The following ERCC6L2 variants were observed in gnomAD, a reference collection of about 807,000 sequenced individuals.
The protein encoded by ERCC6L2 is ERCC excision repair 6 like 2.
A neutral mutation model predicts 132.0 loss-of-function variants in ERCC6L2; 77 were observed. The ratio of observed to expected loss-of-function variants is 0.58; its 90% CI spans 0.49 to 0.71. The LOEUF is 0.71. ERCC6L2 is among the 30% of genes least tolerant of loss of function. The pLI, the probability that ERCC6L2 is intolerant of heterozygous loss-of-function variation, is 0.00. For synonymous variants in ERCC6L2, 583 were observed against 632.4 expected, an observed-to-expected ratio of 0.92 and a Z score of 1.17; for missense variants, 1,542 against 1,837.6, an observed-to-expected ratio of 0.84 and a Z score of 2.94.
chr9:95,896,528 C>T (rs982095625), intron 2 of ERCC6L2, among the ~76,000 whole-genome samples: 4 of 151,458 alleles, frequency 2.6e-5, no homozygotes, highest in Non-Finnish European at 5.9e-5. Context: ...CTCAAGCAGT[C>T]CTCCTACTTC....
intron 11 of ERCC6L2, among the ~76,000 whole-genome samples, chr9:95,939,889 T>TA (rs1830719512): frequency 6.6e-6 from 1 of 152,170 alleles, no homozygotes; most frequent in Non-Finnish European, 1.5e-5. Context: ...AGTATTGTGT[T>TA]ATGAGACTCT....
At chr9:95,895,961 C>T (rs905349002) in intron 2 of ERCC6L2, among the ~76,000 whole-genome samples, 5 of 152,088 alleles carry the variant, frequency 3.3e-5, no homozygotes, top group East Asian at 1.9e-4. Context: ...CTCCTGACCT[C>T]GTGATCCACC....
intron 11 of ERCC6L2, among the ~76,000 whole-genome samples, chr9:95,940,689 A>G (rs1337171222): frequency 1.3e-5 from 2 of 151,508 alleles, no homozygotes; most frequent in Non-Finnish European, 2.9e-5. Flanking sequence ...GATTTGGTCT[A>G]TCTTGGTGAA....
intron 19 of ERCC6L2, among the ~76,000 whole-genome samples, chr9:96,029,100 C>G (rs549040569): frequency 1.4e-4 from 22 of 151,748 alleles, no homozygotes; most frequent in African/African-American, 2.4e-4. Flanking sequence ...GTCAGGAGAT[C>G]GAGACCATCC....
Position 95,963,874 on chromosome 9 carries a change from G to A in ERCC6L2, c.1948-2688G>A, listed in dbSNP as rs572671905. On this transcript the variant is annotated intron_variant, in intron 13 of 18. Transcript: ENST00000653738. ...ACAGACATGATACTGTGCTCTTCTC[G>A]TTGCATCAGTCAGAAGGCACATGGG... Among the ~76,000 whole-genome samples the A allele has an allele frequency of 4.2e-4, 64 of 152,232 alleles. No individual in the cohort carries two copies. In the South Asian group the frequency reaches 0.012, roughly 28 times the overall value.
rs79026426 is a variant in ERCC6L2 at position 95,920,214 on chromosome 9, C to G, written c.1159-961C>G. The stretch of plus-strand genomic sequence containing the variant: ...CTGCCTCTCCTGCCTCCCTTGACTT[C>G]CTTTTCACTTCCTTCACCTCTTCAT... On this transcript the variant is annotated intron_variant, in intron 6 of 18. Transcript: ENST00000653738. Among the ~76,000 whole-genome samples the G allele has an allele frequency of 3.4e-3, 522 of 152,254 alleles. 2 individuals are homozygous for G. The highest frequency in any genetic ancestry group is 0.012 in the African/African-American group (499 of 41,540).
At chr9:96,002,089 C>T (rs371709021) in intron 17 of ERCC6L2, among the ~76,000 whole-genome samples, 19 of 152,364 alleles carry the variant, frequency 1.2e-4, no homozygotes, top group South Asian at 8.3e-4. Flanking sequence ...CCGGTTCCCG[C>T]GCGTGCCTCT....
At chr9:96,008,601 G>A (rs1182846629) in intron 18 of ERCC6L2, among the ~76,000 whole-genome samples, 2 of 152,190 alleles carry the variant, frequency 1.3e-5, no homozygotes, top group Non-Finnish European at 2.9e-5. Context: ...GGAGCAGTGA[G>A]GCATGATTGA....
At chr9:95,893,843 T>C (rs910502632) in intron 2 of ERCC6L2, among the ~76,000 whole-genome samples, 1 of 152,332 alleles carries the variant, frequency 6.6e-6, no homozygotes, top group Admixed American at 6.5e-5. Flanking sequence ...TTGTTGATCA[T>C]TTTCATTGTA....
At chr9:95,884,430 A>G (rs1002209340) in intron 2 of ERCC6L2, among the ~76,000 whole-genome samples, 1 of 152,092 alleles carries the variant, frequency 6.6e-6, no homozygotes, top group Non-Finnish European at 1.5e-5. Flanking sequence ...AAATTAATTG[A>G]TAATGAAAAT....
downstream of ERCC6L2, among the ~76,000 whole-genome samples, chr9:96,021,931 G>GGA (rs1834298770): frequency 6.6e-6 from 1 of 152,070 alleles, no homozygotes; most frequent in Non-Finnish European, 1.5e-5. This position sits in a 1 kb window ranked among gnomAD's most constrained non-coding sequence, Gnocchi z 4.7. Context: ...TGGAATCAGG[G>GGA]CCCCGGCGCC....
intron 19 of ERCC6L2, among the ~76,000 whole-genome samples, chr9:96,023,753 G>C (rs1834326183): frequency 6.6e-6 from 1 of 152,130 alleles, no homozygotes; most frequent in Admixed American, 6.5e-5. Flanking sequence ...GAGACTTAAA[G>C]GTTTTCCTGA....
At chr9:95,916,510 C>T in intron 6 of ERCC6L2, 76 bp downstream of exon 6, 4 of 1,234,594 alleles carry the variant, frequency 3.2e-6, no homozygotes, top group South Asian at 1.8e-5. Context: ...AGTCTGTCTC[C>T]TGTGGCATTT....
downstream of ERCC6L2, chr9:96,021,214 G>A (rs1345601401): frequency 8.6e-6 from 3 of 350,872 alleles, no homozygotes; most frequent in Admixed American, 3.9e-5. This position sits in a 1 kb window ranked among gnomAD's most constrained non-coding sequence, Gnocchi z 4.7. Context: ...GGCACCCGCG[G>A]CGGGGCCCAC....
chr9:96,005,084 CG>C (rs1402174765), intron 18 of ERCC6L2, among the ~76,000 whole-genome samples: 2 of 152,092 alleles, frequency 1.3e-5, no homozygotes, highest in Non-Finnish European at 2.9e-5. Context: ...GAGGCCGAGG[CG>C]GGTGGATCAC....
chr9:95,894,094 G>T (rs767325040), intron 2 of ERCC6L2, among the ~76,000 whole-genome samples: 9 of 151,884 alleles, frequency 5.9e-5, no homozygotes, highest in Non-Finnish European at 8.8e-5. Context: ...CCTTAAACAT[G>T]CTCAGAACAC....
At chr9:95,906,818 G>A in intron 3 of ERCC6L2, 1 of 512,962 alleles carries the variant, frequency 1.9e-6, no homozygotes, top group Non-Finnish European at 3.6e-6. Flanking sequence ...TGCCTTTTTG[G>A]TAGGGGGAAA....
At chr9:95,964,066 C>A (rs1832039495) in intron 13 of ERCC6L2, among the ~76,000 whole-genome samples, 1 of 152,108 alleles carries the variant, frequency 6.6e-6, no homozygotes, top group African/African-American at 2.4e-5. Context: ...CACGCATAAC[C>A]CTTAGTGTTC....
At chr9:95,913,494 C>T (rs886188586) in intron 4 of ERCC6L2, among the ~76,000 whole-genome samples, 3 of 152,092 alleles carry the variant, frequency 2.0e-5, no homozygotes, top group African/African-American at 7.2e-5. Context: ...CTCTTTCTTT[C>T]TTTCTGAATA....
Sources: gnomAD v4.1 joint callset for allele counts (sites outside exome capture counted in the v4.1 genomes callset) on GRCh38, gnomAD v4.1.1 for gene constraint, Gnocchi (gnomAD v3.1) non-coding constraint, MANE v1.5 for transcripts, NCBI Gene and HGNC (gene_info 2026-07-23, HGNC 2026-07-21) for gene names.